Variants in AMZ2 observed in about 807,000 individuals in gnomAD.
The protein encoded by AMZ2 is archaelysin family metallopeptidase 2.
AMZ2 carries 26 observed loss-of-function variants against 36.7 expected under a neutral mutation model. The observed-to-expected ratio is 0.71, with a 90% CI of 0.52 to 0.98. AMZ2 has a LOEUF of 0.98. AMZ2 is among the 50% of genes least tolerant of loss of function. The pLI is 0.00. For missense variants in AMZ2, 394 were observed against 430.5 expected, an observed-to-expected ratio of 0.92 and a Z score of 0.75; for synonymous variants, 144 against 149.1, an observed-to-expected ratio of 0.97 and a Z score of 0.25.
upstream of AMZ2, among the ~76,000 whole-genome samples, chr17:68,246,300 A>G (rs191461500): frequency 2.0e-5 from 3 of 151,954 alleles, no homozygotes; most frequent in East Asian, 1.9e-4. Flanking sequence ...CCCAGGAAGC[A>G]TAAGTTGCAG....
intron 1 of AMZ2, among the ~76,000 whole-genome samples, chr17:68,226,452 T>C (rs1275864902): frequency 1.3e-5 from 2 of 152,170 alleles, no homozygotes; most frequent in African/African-American, 2.4e-5. Context: ...CGTCTCTTTC[T>C]CTGTTGTCCA....
At chr17:68,256,600 A>T (rs1772684921) in intron 6 of AMZ2, among the ~76,000 whole-genome samples, 1 of 152,162 alleles carries the variant, frequency 6.6e-6, no homozygotes, top group Non-Finnish European at 1.5e-5. Context: ...TTCAGTGCGT[A>T]CTTTTGACAT....
At chr17:68,233,559 A>G (rs2073718404) in intron 1 of AMZ2, among the ~76,000 whole-genome samples, 1 of 149,476 alleles carries the variant, frequency 6.7e-6, no homozygotes, top group African/African-American at 2.5e-5. Flanking sequence ...GCCTCCTGGG[A>G]GTGAAGGTGC....
At chr17:68,211,311 G>C (rs2073038760) in intron 1 of AMZ2, among the ~76,000 whole-genome samples, 1 of 151,972 alleles carries the variant, frequency 6.6e-6, no homozygotes. Flanking sequence ...GACCATCCTG[G>C]CTAACACAGT....
At chr17:68,245,125 G>A (rs186414409), upstream of AMZ2, among the ~76,000 whole-genome samples, 1 of 151,506 alleles carries the variant, frequency 6.6e-6, no homozygotes, top group Non-Finnish European at 1.5e-5. Flanking sequence ...GACAGACTAT[G>A]GTTCATTCTG....
chr17:68,235,718 C>T lies in AMZ2; in HGVS notation c.-66-12922C>T, dbSNP rs1479296390. On this transcript the variant is annotated intron_variant, in intron 1 of 7. Transcript: ENST00000674770. The surrounding 1 kb of genome is among the most constrained non-coding windows in gnomAD (Gnocchi z 4.2). ...TGGTGCTATCAGGTGCCAGGAGCAG[C>T]GTGTGCCACGTGTGACCCTGCTCTG... Among the ~76,000 whole-genome samples the T allele has an allele frequency of 2.6e-5, 4 of 152,206 alleles. No homozygotes were observed. Among genetic ancestry groups the T allele is most frequent in the Non-Finnish European group, 4.4e-5 (3 of 68,036 alleles).
rs1385424528 is a variant in AMZ2, at chr17:68,248,043, A to T, written c.-663A>T. On this transcript the variant is annotated 5_prime_UTR_variant, in exon 1 of 7. Coordinates refer to ENST00000359904, the MANE Select transcript of AMZ2 (RefSeq NM_016627.5). ...GGCGCCAGTGGGCGTGGCGTGGCGC[A>T]GTGCGAAGGGACGCGGTGCGCATGC... 2 of 986,206 alleles carry T rather than the reference A, an allele frequency of 2.0e-6. No individual in the cohort carries two copies. Among genetic ancestry groups the T allele is most frequent in the Non-Finnish European group, 2.4e-6 (2 of 830,704 alleles). The allele number at this position is 986,206 out of a possible 1,614,324, so 61.1% of individuals were successfully genotyped here. A position where few individuals can be genotyped will look rare whatever the true frequency, so the allele number is the denominator to read the frequency against.
chr17:68,236,725 C>T (rs1555732664), intron 1 of AMZ2, among the ~76,000 whole-genome samples: 1 of 151,804 alleles, frequency 6.6e-6, no homozygotes, highest in African/African-American at 2.4e-5. Flanking sequence ...GCACCCACCA[C>T]CACATCCCAG....
chr17:68,250,845 C>T lies in AMZ2; in HGVS notation c.335C>T (p.Thr112Met), dbSNP rs201005237. 125 of 1,603,134 alleles carry T rather than the reference C, an allele frequency of 7.8e-5. No homozygotes were observed. Among genetic ancestry groups the T allele is most frequent in the Non-Finnish European group, 9.3e-5 (110 of 1,177,258 alleles). ...IISEEYIKWL[T>M]GYCKAYFYGL... ...AGTGAAGAATATATTAAATGGCTCACGGGCTACTGTAAAGCATATTTCTAT... is the reference window on the plus strand; with the variant it reads ...AGTGAAGAATATATTAAATGGCTCATGGGCTACTGTAAAGCATATTTCTAT... The change falls in exon 3 of 7, where the codon ACG becomes ATG. Residue 112 changes from threonine (T) to methionine (M), a missense_variant. Transcript: ENST00000359904.
chr17:68,206,290 C>T, intron 1 of AMZ2: 6 of 1,228,272 alleles, frequency 4.9e-6, no homozygotes, highest in Non-Finnish European at 6.2e-6. Flanking sequence ...CCTCTGCCCT[C>T]CCCCCTTGCT....
chr17:68,211,525 G>A (rs1555725908), intron 1 of AMZ2, among the ~76,000 whole-genome samples: 1 of 150,164 alleles, frequency 6.7e-6, no homozygotes, highest in African/African-American at 2.4e-5. Context: ...AAGAAAAAAT[G>A]TTTTGGAATT....
intron 1 of AMZ2, chr17:68,207,323 C>G (rs571611482): frequency 1.4e-5 from 2 of 143,790 alleles, no homozygotes. Context: ...ACCCCCCCCC[C>G]ACAAAGGCTG....
chr17:68,243,691 G>A (rs1468869003), upstream of AMZ2, among the ~76,000 whole-genome samples: 4 of 152,048 alleles, frequency 2.6e-5, no homozygotes, highest in Admixed American at 6.6e-5. Context: ...AGAAAGATTC[G>A]ACCTGTTTAT....
intron 1 of AMZ2, among the ~76,000 whole-genome samples, chr17:68,223,247 TAGTC>T (rs2073414994): frequency 6.6e-6 from 1 of 152,174 alleles, no homozygotes; most frequent in African/African-American, 2.4e-5. Context: ...GTTGTAAACA[TAGTC>T]AGTTTCGAAG....
chr17:68,256,004 G>T (rs1353107736), intron 6 of AMZ2, 128 bp downstream of exon 6: 2 of 1,058,992 alleles, frequency 1.9e-6, no homozygotes, highest in East Asian at 5.3e-5. Flanking sequence ...TAAGCAGGAA[G>T]CTGCGGTTTA....
At chr17:68,233,484 G>A (rs563005456) in intron 1 of AMZ2, among the ~76,000 whole-genome samples, 2 of 147,506 alleles carry the variant, frequency 1.4e-5, no homozygotes, top group Admixed American at 1.4e-4. Context: ...ACTCTAACCT[G>A]CCGACAAGAG....
chr17:68,240,883 G>C (rs545020548), intron 1 of AMZ2, among the ~76,000 whole-genome samples: 48 of 152,290 alleles, frequency 3.2e-4, no homozygotes, highest in African/African-American at 1.1e-3. Flanking sequence ...TCTCAATCAA[G>C]TATGAGGGCA....
At chr17:68,256,207 G>C (rs1270634792) in intron 6 of AMZ2, among the ~76,000 whole-genome samples, 1 of 152,142 alleles carries the variant, frequency 6.6e-6, no homozygotes, top group Non-Finnish European at 1.5e-5. Context: ...ATAAGTGTGT[G>C]GACAGGATTT....
chr17:68,232,122 A>T (rs1436318673), intron 1 of AMZ2, among the ~76,000 whole-genome samples: 2 of 69,204 alleles, frequency 2.9e-5, no homozygotes, highest in East Asian at 7.7e-4. Context: ...GAAGTTTGTA[A>T]AAAAAAAAAA....
Sources: allele counts gnomAD v4.1 joint callset (sites outside exome capture counted in the v4.1 genomes callset), GRCh38; gene constraint gnomAD v4.1.1; non-coding constraint Gnocchi (gnomAD v3.1); transcripts MANE v1.5; gene names NCBI Gene and HGNC (gene_info 2026-07-23, HGNC 2026-07-21).